MXD3: variants seen among roughly 807,000 people sequenced by gnomAD.
The protein encoded by MXD3 is MAX dimerization protein 3, also known as Max-associated protein 3.
MXD3 carries 20 observed loss-of-function variants against 27.5 expected under a neutral mutation model. That is an observed-to-expected ratio of 0.73 (90% CI 0.51 to 1.06). MXD3 has a LOEUF of 1.06. Among genes scored for constraint, MXD3 ranks in the 50% least tolerant of loss-of-function variants. MXD3 has a pLI of 0.00. For missense variants in MXD3, 298 were observed against 291.3 expected (o/e 1.02, Z -0.17); for synonymous variants, 150 against 130.7 (o/e 1.15, Z -1.01).
At chr5:177,311,966 G>A, upstream of MXD3, 1 of 1,331,640 alleles carries the variant, frequency 7.5e-7, no homozygotes. Flanking sequence ...CCGCCCGCGG[G>A]AACGCCCAGC....
downstream of MXD3, chr5:177,305,749 C>A: frequency 1.3e-6 from 1 of 799,928 alleles, no homozygotes; most frequent in Non-Finnish European, 2.0e-6. Context: ...GAGGTGCAGT[C>A]AGGGGAAGGA....
chr5:177,311,149 A>G (rs975547568), intron 2 of MXD3: 9 of 523,680 alleles, frequency 1.7e-5, no homozygotes, highest in Non-Finnish European at 2.7e-5. Context: ...CGGGACCCCA[A>G]CTGCTGTTGG....
At chr5:177,312,414 T>A (rs944965092), upstream of MXD3, 73 of 982,630 alleles carry the variant, frequency 7.4e-5, no homozygotes, top group Middle Eastern at 2.6e-3. Context: ...TGCCCCGCCC[T>A]CTCCCGCCGC....
At chr5:177,306,160 C>A, downstream of MXD3, 4 of 1,613,720 alleles carry the variant, frequency 2.5e-6, no homozygotes, top group Non-Finnish European at 3.4e-6. Flanking sequence ...TTGAATATAT[C>A]TTGGCTAAGC....
chr5:177,307,596 A>G lies in MXD3; in HGVS notation c.613T>C (p.Trp205Arg), dbSNP rs1316291987. ...GCCCTGGGTGAGGAACATCATAGCC[A>G]GGCGCCGCCGCCGTGCGAGTAGCTG... ...EHSYSHGGGA[W>R]L Residue 205 changes from tryptophan (W) to arginine (R), a missense_variant, in exon 6 of 6, where the codon TGG becomes CGG. Physicochemically the swap from Trp to Arg is moderately radical, Grantham distance 101 (BLOSUM62 -3). Transcript: ENST00000439742. The G allele has an allele frequency of 1.9e-6, 3 of 1,612,636 alleles. No individual in the cohort carries two copies. The highest frequency in any genetic ancestry group is 2.5e-6 in the Non-Finnish European group (3 of 1,179,890).
At chr5:177,310,762 C>G (rs1761016282) in intron 2 of MXD3, 65 bp from the exon 3 acceptor site, 4 of 1,587,618 alleles carry the variant, frequency 2.5e-6, no homozygotes, top group Non-Finnish European at 3.5e-6. Flanking sequence ...AATCCCAGGG[C>G]CCCCAGTGGC....
downstream of MXD3, chr5:177,305,699 C>T (rs542591923): frequency 5.5e-5 from 34 of 620,834 alleles, no homozygotes; most frequent in East Asian, 8.8e-4. Flanking sequence ...GAGAGCAAAA[C>T]GACCTTATTT....
chr5:177,312,272 G>C (rs1240359316), upstream of MXD3: 1 of 986,572 alleles, frequency 1.0e-6, no homozygotes, highest in Non-Finnish European at 1.2e-6. Flanking sequence ...GGGCCCAGCC[G>C]CTGCACGTGG....
chr5:177,310,323 G>C (rs1319645307), intron 4 of MXD3, 103 bp downstream of exon 4: 1 of 820,688 alleles, frequency 1.2e-6, no homozygotes, highest in Non-Finnish European at 1.9e-6. Context: ...CACAGTTCTT[G>C]AGCTCTGACC....
chr5:177,309,913 G>A (rs1348549698), intron 4 of MXD3, among the ~76,000 whole-genome samples: 8 of 152,228 alleles, frequency 5.3e-5, no homozygotes, highest in Non-Finnish European at 1.0e-4. Flanking sequence ...AGCCCTGGGA[G>A]GACCAGTGAC....
upstream of MXD3, chr5:177,312,238 G>A (rs1761056181): frequency 1.0e-6 from 1 of 987,324 alleles, no homozygotes; most frequent in Non-Finnish European, 1.2e-6. Flanking sequence ...CGCTCTGGGG[G>A]CCTGGTGGTC....
chr5:177,306,019 G>A (rs1285787561), downstream of MXD3: 1 of 1,605,514 alleles, frequency 6.2e-7, no homozygotes, highest in Admixed American at 1.7e-5. Flanking sequence ...GGGGCTCTGG[G>A]ACCCAGTGCT....
chr5:177,306,767 G>A, downstream of MXD3: 1 of 962,260 alleles, frequency 1.0e-6, no homozygotes, highest in South Asian at 1.7e-5. Context: ...TTCTCCCATT[G>A]GGCAGCTGAG....
rs1271389703 is a variant in MXD3 at position 177,307,314 on chromosome 5, G to C, written c.*274C>G. 23 of 1,547,548 alleles carry C rather than the reference G, an allele frequency of 1.5e-5. No homozygotes were observed. Among genetic ancestry groups the C allele is most frequent in the Non-Finnish European group, 1.9e-5 (22 of 1,144,606 alleles). ...GGCCCAAGAGGCTTCCTGTCCCCTT[G>C]GGGGCAGCAGAGCCAAATGCTTGGG... On this transcript the variant is annotated 3_prime_UTR_variant, in exon 6 of 6. Transcript: ENST00000439742.
At chr5:177,312,203 G>A (rs1029534862), upstream of MXD3, 4 of 1,014,986 alleles carry the variant, frequency 3.9e-6, no homozygotes, top group African/African-American at 7.0e-5. Context: ...CCCCGTGCTA[G>A]TGACTAGCCC....
chr5:177,311,442 G>A lies in MXD3; in HGVS notation c.113C>T (p.Pro38Leu), dbSNP rs1761036270. The A allele has an allele frequency of 3.5e-6, 5 of 1,443,500 alleles. No individual in the cohort carries two copies. The highest frequency in any genetic ancestry group is 4.5e-6 in the Non-Finnish European group (5 of 1,102,266). The allele number at this position is 1,443,500 out of a possible 1,614,324, so 89.4% of individuals were successfully genotyped here. The part of the protein sequence containing the change: ...GYASLCPHRS[P>L]GPIHRRKKRP... The stretch of plus-strand genomic sequence containing the variant: ...CTTCTTCCTCCTGTGGATGGGGCCT[G>A]GACTGCGATGCGGGCACAGGGACGC... The change falls in exon 2 of 6, where the codon CCA (proline) becomes CTA (leucine). Residue 38 changes from proline (P) to leucine (L), a missense_variant. By Grantham distance (98) the Pro-to-Leu change is moderately conservative. Transcript: ENST00000439742.
chr5:177,306,232 G>A (rs911045204), downstream of MXD3: 36 of 1,582,946 alleles, frequency 2.3e-5, no homozygotes, highest in East Asian at 1.3e-4. Context: ...TCAGCCTAGC[G>A]GGCGTGGAGT....
In MXD3 at chr5:177,307,762, T is replaced by A; in HGVS notation, c.505+19A>T. On this transcript the variant is annotated intron_variant, in intron 5 of 5. Transcript: ENST00000439742. ...CTCGCCCCGAGGGCCACACAACCCC[T>A]CAGCCTCGGGGCACTCACCTTGGTC... 6.2e-7 allele frequency: 1 copy of A among 1,612,916 alleles called. No individual in the cohort carries two copies. Among genetic ancestry groups the A allele is most frequent in the African/African-American group, 1.3e-5 (1 of 74,966 alleles).
rs771573088 is a variant in MXD3 at position 177,311,401 on chromosome 5, G to A, written c.154C>T (p.Pro52Ser). 24 of 1,440,384 alleles carry A rather than the reference G, an allele frequency of 1.7e-5. No homozygotes were observed. In the African/African-American group the frequency reaches 2.9e-4, roughly 17 times the overall value. 89.2% of individuals were successfully genotyped at this position (1,440,384 alleles called of 1,614,324 possible). ...CACCGCCCGCTGTCCTGCGCGCCAGGAGCCTGGGGGGGTCGCTTCTTCCTC... is the reference window on the plus strand; with the variant it reads ...CACCGCCCGCTGTCCTGCGCGCCAGAAGCCTGGGGGGGTCGCTTCTTCCTC... ...HRRKKRPPQA[P>S]GAQDSGRSVH... The change falls in exon 2 of 6, where the codon CCT becomes TCT. Residue 52 changes from proline to serine, a missense_variant. By Grantham distance (74) the Pro-to-Ser change is moderately conservative (BLOSUM62 -1). Coordinates refer to ENST00000439742, the MANE Select transcript of MXD3 (RefSeq NM_031300.4).
Sources: allele counts gnomAD v4.1 joint callset (sites outside exome capture counted in the v4.1 genomes callset), GRCh38; gene constraint gnomAD v4.1.1; transcripts MANE v1.5; gene names NCBI Gene and HGNC (gene_info 2026-07-23, HGNC 2026-07-21).